Variants in C17orf99 observed in about 807,000 individuals in gnomAD.
C17orf99 encodes chromosome 17 open reading frame 99.
C17orf99 carries 18 observed loss-of-function variants against 22.6 expected under a neutral mutation model. The observed-to-expected ratio is 0.80, with a 90% CI of 0.55 to 1.18. The LOEUF (loss-of-function observed/expected upper bound fraction) is 1.18. Ranked by LOEUF, C17orf99 falls within the 50% of genes most tolerant of loss-of-function variation. The probability of loss-of-function intolerance (pLI) is 0.00; values close to 1 mark genes in which losing one functional copy is unlikely to be tolerated. For missense variants in C17orf99, 328 were observed against 342.7 expected (o/e 0.96, Z 0.34); for synonymous variants, 147 against 136.6 (o/e 1.08, Z -0.53).
intron 4 of C17orf99, 187 bp downstream of exon 4, chr17:78,164,551 T>C (rs1247651878): frequency 2.6e-6 from 4 of 1,533,680 alleles, no homozygotes; most frequent in Non-Finnish European, 3.5e-6. Context: ...CCCAGCTGCC[T>C]CCGCCCCCTC....
chr17:78,159,098 T>G, intron 2 of C17orf99: 1 of 157,934 alleles, frequency 6.3e-6, no homozygotes. Flanking sequence ...ACACATTTGT[T>G]AAAATCAAAC....
intron 2 of C17orf99, among the ~76,000 whole-genome samples, chr17:78,154,728 G>C (rs2075512190): frequency 6.6e-6 from 1 of 152,024 alleles, no homozygotes. Context: ...TGTAATCCCA[G>C]CTACTCAGGA....
rs1256492137 is a variant in C17orf99, at chr17:78,146,508, G to T, written c.37+64G>T. 16 of 1,434,012 alleles carry T rather than the reference G, an allele frequency of 1.1e-5. No homozygotes were observed. Among genetic ancestry groups the T allele is most frequent in the Non-Finnish European group, 1.4e-5 (15 of 1,045,760 alleles). The allele number at this position is 1,434,012 out of a possible 1,614,324, so 88.8% of individuals were successfully genotyped here. On this transcript the variant is annotated intron_variant, in intron 1 of 4. Transcript: ENST00000340363. The surrounding 1 kb of genome is among the most constrained non-coding windows in gnomAD (Gnocchi z 5.2). Reference sequence around the variant, plus strand: ...GGGCCTTGAGGTCTTGGGCTCAGGTGGGGGTACTGGGAGCACAGGAGAGAT... The same window carrying T: ...GGGCCTTGAGGTCTTGGGCTCAGGTTGGGGTACTGGGAGCACAGGAGAGAT...
Position 78,161,026 on chromosome 17 carries a change from A to G in C17orf99, c.142A>G (p.Thr48Ala). Reference sequence around the variant, plus strand: ...CCCCAAAGGCCGCTGGGTGCTCATAACCTGCTGTGCACCCCAGCCACCACC... The same window carrying G: ...CCCCAAAGGCCGCTGGGTGCTCATAGCCTGCTGTGCACCCCAGCCACCACC... ...VFPKGRWVLI[T>A]CCAPQPPPPI... The change falls in exon 3 of 5, where the codon ACC becomes GCC. Residue 48 changes from threonine to alanine, a missense_variant. Coordinates refer to ENST00000340363, the MANE Select transcript of C17orf99 (RefSeq NM_001163075.2). 6.4e-7 allele frequency: 1 copy of G among 1,551,518 alleles called. No homozygotes were observed. The highest frequency in any genetic ancestry group is 8.7e-7 in the Non-Finnish European group (1 of 1,146,918).
chr17:78,165,669 G>T lies in C17orf99; in HGVS notation c.641-220G>T. On this transcript the variant is annotated intron_variant, in intron 4 of 4. Transcript: ENST00000340363. Reference sequence around the variant, plus strand: ...AATACAAAATTAGCCGGGCGTGGTGGTGCGCACCTGTAGTCCCAGCTACTC... The same window carrying T: ...AATACAAAATTAGCCGGGCGTGGTGTTGCGCACCTGTAGTCCCAGCTACTC... 3 of 893,572 alleles carry T rather than the reference G, an allele frequency of 3.4e-6. No homozygotes were observed. The South Asian group carries it at 1.7e-4, about 50-fold the overall frequency. 55.4% of individuals were successfully genotyped at this position (893,572 alleles called of 1,614,324 possible).
intron 2 of C17orf99, among the ~76,000 whole-genome samples, chr17:78,151,657 T>C (rs887351676): frequency 1.3e-5 from 2 of 151,978 alleles, no homozygotes; most frequent in Non-Finnish European, 2.9e-5. Flanking sequence ...TCTCCTTTCC[T>C]CTTCTCCTCA....
intron 4 of C17orf99, chr17:78,164,808 C>A: frequency 8.1e-7 from 1 of 1,236,282 alleles, no homozygotes; most frequent in South Asian, 1.4e-5. Flanking sequence ...ACCGCTTACG[C>A]ATGACTCGAA....
At chr17:78,156,332 G>GAAAAAAAAAAAAAAA (rs769438256) in intron 2 of C17orf99, among the ~76,000 whole-genome samples, 1 of 63,390 alleles carries the variant, frequency 1.6e-5, no homozygotes, top group Non-Finnish European at 3.1e-5. Context: ...TCCTTCTCCA[G>GAAAAAAAAAAAAAAA]AAAAAAAAAA....
At chr17:78,160,023 G>A in intron 2 of C17orf99, 1 of 453,500 alleles carries the variant, frequency 2.2e-6, no homozygotes. Context: ...ACGCTGCCAT[G>A]AGCGTGTGTG....
intron 4 of C17orf99, 193 bp downstream of exon 4, chr17:78,164,557 C>T (rs2075603802): frequency 6.5e-6 from 10 of 1,533,212 alleles, no homozygotes; most frequent in Non-Finnish European, 8.7e-6. Context: ...TGCCTCCGCC[C>T]CCTCCCAGGA....
At chr17:78,145,735 A>C (rs139833455), upstream of C17orf99, among the ~76,000 whole-genome samples, 1 of 151,380 alleles carries the variant, frequency 6.6e-6, no homozygotes, top group Non-Finnish European at 1.5e-5. Context: ...CACAGCCTTC[A>C]TTCCCCTTGC....
At chr17:78,160,228 G>A (rs1567821245) in intron 2 of C17orf99, 12 of 426,892 alleles carry the variant, frequency 2.8e-5, no homozygotes, top group South Asian at 1.8e-4. Context: ...AGGGGTACAT[G>A]TGCAGGTTTG....
In C17orf99 at chr17:78,159,987, T is replaced by C. The variant is rs2075560342; in HGVS notation, c.71-968T>C. ...CGTCCATTGATAGATATTTGGGCCG[T>C]TTCCACCATTTGGCTGTGGTGAATC... On this transcript the variant is annotated intron_variant, in intron 2 of 4. Transcript: ENST00000340363. The C allele has an allele frequency of 1.3e-5, 6 of 445,462 alleles. No individual in the cohort carries two copies. In the Admixed American group the frequency reaches 1.5e-4, roughly 11 times the overall value. 27.6% of individuals were successfully genotyped at this position (445,462 alleles called of 1,614,324 possible). A position where few individuals can be genotyped will look rare whatever the true frequency, so the allele number is the denominator to read the frequency against.
chr17:78,153,115 C>T (rs2075498150), intron 2 of C17orf99, among the ~76,000 whole-genome samples: 1 of 151,698 alleles, frequency 6.6e-6, no homozygotes, highest in South Asian at 2.1e-4. Context: ...AAATGATAGA[C>T]CATCCTTTAT....
chr17:78,158,426 C>G (rs2075545892), intron 2 of C17orf99: 1 of 220,488 alleles, frequency 4.5e-6, no homozygotes, highest in African/African-American at 2.3e-5. Flanking sequence ...TCCCGAGTAG[C>G]TGGGACTACG....
intron 2 of C17orf99, chr17:78,158,194 G>A: frequency 2.8e-6 from 2 of 709,420 alleles, no homozygotes; most frequent in East Asian, 7.1e-5. Flanking sequence ...CTGCAATCAA[G>A]GCTCCCAGGG....
At chr17:78,151,625 A>G (rs2075484351) in intron 2 of C17orf99, among the ~76,000 whole-genome samples, 1 of 151,732 alleles carries the variant, frequency 6.6e-6, no homozygotes, top group Non-Finnish European at 1.5e-5. Flanking sequence ...CCCTCATGCC[A>G]TTCTCCCGGT....
intron 2 of C17orf99, among the ~76,000 whole-genome samples, chr17:78,157,149 G>A (rs545100262): frequency 1.3e-5 from 2 of 151,654 alleles, no homozygotes; most frequent in Admixed American, 6.6e-5. Context: ...AACCAACATA[G>A]TGAAACTCCG....
At chr17:78,164,755 G>T (rs1328899281) in intron 4 of C17orf99, 15 of 1,296,576 alleles carry the variant, frequency 1.2e-5, no homozygotes, top group African/African-American at 9.2e-5. Flanking sequence ...CAGGTGGTGG[G>T]GCTTGCAGGG....
Sources: gnomAD v4.1 joint callset for allele counts (sites outside exome capture counted in the v4.1 genomes callset) on GRCh38, gnomAD v4.1.1 for gene constraint, Gnocchi (gnomAD v3.1) non-coding constraint, MANE v1.5 for transcripts, NCBI Gene and HGNC (gene_info 2026-07-23, HGNC 2026-07-21) for gene names.